MDC1: variants seen among roughly 807,000 people sequenced by gnomAD.
The protein encoded by MDC1 is mediator of DNA damage checkpoint protein 1.
MDC1 carries 81 observed loss-of-function variants against 142.5 expected under a neutral mutation model. That is an observed-to-expected ratio of 0.57 (90% CI 0.47 to 0.68). The LOEUF (loss-of-function observed/expected upper bound fraction) is 0.68. Among genes scored for constraint, MDC1 ranks in the 30% least tolerant of loss-of-function variants. MDC1 has a pLI of 0.00. For synonymous variants in MDC1, 797 were observed against 968.4 expected (o/e 0.82, Z 3.29); for missense variants, 2,119 against 2,547.9 (o/e 0.83, Z 3.62).
rs1408932651 is a variant in MDC1, at chr6:30,716,068, G to A, written c.-3-890C>T. ...TAACGCCTACCCCTCGCCCGCAAAA[G>A]CCTATGGTTCAGCCAGACATTTTCC... On this transcript the variant is annotated intron_variant, in intron 1 of 14. Coordinates refer to ENST00000376406, the MANE Select transcript of MDC1 (RefSeq NM_014641.3). The surrounding 1 kb of genome is among the most constrained non-coding windows in gnomAD (Gnocchi z 4.4). Among the ~76,000 whole-genome samples the A allele has an allele frequency of 1.3e-5, 2 of 152,104 alleles. No individual in the cohort carries two copies. Among genetic ancestry groups the A allele is most frequent in the Non-Finnish European group, 2.9e-5 (2 of 68,020 alleles).
rs1249747531 is a variant in MDC1, at chr6:30,702,796, G to A, written c.5947C>T (p.Leu1983Phe). Residue 1983 changes from leucine (L) to phenylalanine (F), a missense_variant, in exon 13 of 15, where the codon CTT becomes TTT. Leu to Phe is a conservative substitution (Grantham distance 22, BLOSUM62 0). Transcript: ENST00000376406. ...PEQEKNFGFS[L>F]QDALSRARER... is the part of the protein sequence containing the mutation. Reference sequence around the variant, plus strand: ...CGAGCCCTGCTCAGTGCGTCTTGAAGGCTAAAGCCAAAGTTCTTCTCTTGC... The same window carrying A: ...CGAGCCCTGCTCAGTGCGTCTTGAAAGCTAAAGCCAAAGTTCTTCTCTTGC... The A allele has an allele frequency of 6.2e-7, 1 of 1,613,030 alleles. No individual in the cohort carries two copies. Among genetic ancestry groups the A allele is most frequent in the Admixed American group, 1.7e-5 (1 of 60,004 alleles).
At chr6:30,706,322 T>C (rs1773807751) in intron 9 of MDC1, among the ~76,000 whole-genome samples, 1 of 144,932 alleles carries the variant, frequency 6.9e-6, no homozygotes, top group Non-Finnish European at 1.5e-5. Flanking sequence ...CCGTCTCTAC[T>C]AAAAATACAA....
chr6:30,701,023 C>CGAGATCGCGCCACTGCACTCCAGCCT (rs1053549218), intron 14 of MDC1, among the ~76,000 whole-genome samples: 1 of 146,240 alleles, frequency 6.8e-6, no homozygotes, highest in Non-Finnish European at 1.5e-5. Flanking sequence ...TGCAGTGAGC[C>CGAGATCGCGCCACTGCACTCCAGCCT]GAGATCGCGC....
chr6:30,705,803 G>T lies in MDC1; in HGVS notation c.3380C>A (p.Pro1127His), dbSNP rs749393075. The change falls in exon 10 of 15, where the codon CCC becomes CAC. Residue 1127 changes from proline to histidine, a missense_variant. Pro to His is a moderately conservative substitution (Grantham distance 77, BLOSUM62 -2). Transcript: ENST00000376406. Reference protein sequence around the residue: ...PFPATSAAPEPHPSTSTAQPV... With the variant: ...PFPATSAAPEHHPSTSTAQPV... ...CTGGGCTGTGGAGGTGGAAGGGTGG[G>T]GCTCAGGGGCAGCAGAGGTAGCTGG... The T allele has an allele frequency of 6.2e-7, 1 of 1,612,792 alleles. No individual in the cohort carries two copies. Among genetic ancestry groups the T allele is most frequent in the South Asian group, 1.1e-5 (1 of 90,960 alleles).
At position 30,702,732 on chromosome 6, in the gene MDC1, G is replaced by GT. The variant is rs745510219; in HGVS notation, c.5991+19dup. 1.2e-6 allele frequency: 2 copies of GT among 1,613,088 alleles called. No homozygotes were observed. Among genetic ancestry groups the GT allele is most frequent in the Non-Finnish European group, 1.7e-6 (2 of 1,180,018 alleles). Reference sequence around the variant, plus strand: ...CACTGGAGGGAGGGCTGAAGCACAGGTTAAAAGATAGCCTCTCACCTCTAG... The same window carrying GT: ...CACTGGAGGGAGGGCTGAAGCACAGGTTTAAAAGATAGCCTCTCACCTCTAG... On this transcript the variant is annotated intron_variant, in intron 13 of 14. Coordinates refer to ENST00000376406, the MANE Select transcript of MDC1 (RefSeq NM_014641.3).
chr6:30,714,296 A>G, intron 2 of MDC1, 113 bp from the exon 3 acceptor site: 1 of 1,156,282 alleles, frequency 8.6e-7, no homozygotes, highest in South Asian at 1.6e-5. Context: ...TGCATTAGAA[A>G]AATAAAAGGC....
intron 8 of MDC1, 21 bp downstream of exon 8, chr6:30,707,545 T>C (rs1774091358): frequency 8.1e-6 from 13 of 1,612,754 alleles, no homozygotes; most frequent in Non-Finnish European, 1.1e-5. Context: ...TCACCTTGGG[T>C]TCCCCTCTGC....
rs1360094368 is a variant in MDC1 at position 30,709,148 on chromosome 6, CCTCAGCCTCCCAA to C, written c.2222-804_2222-792del. Among the ~76,000 whole-genome samples the C allele has an allele frequency of 6.6e-6, 1 of 152,200 alleles. No individual in the cohort carries two copies. The highest frequency in any genetic ancestry group is 1.5e-5 in the Non-Finnish European group (1 of 68,038). On this transcript the variant is annotated intron_variant, in intron 7 of 14. Coordinates refer to ENST00000376406, the MANE Select transcript of MDC1 (RefSeq NM_014641.3). This position sits in a 1 kb window ranked among gnomAD's most constrained non-coding sequence, Gnocchi z 4.2. ...CTGCTGGGCTCAGGAGATCCTCCCA[CCTCAGCCTCCCAA>C]GTAGCTGGGACTACGGCATGTGCCA...
Position 30,703,047 on chromosome 6 carries a change from C to T in MDC1, c.5865+57G>A. The T allele has an allele frequency of 1.9e-6, 3 of 1,586,442 alleles. No individual in the cohort carries two copies. The highest frequency in any genetic ancestry group is 1.3e-5 in the African/African-American group (1 of 74,606). ...TCTTCCCTTCCACCACTTTCTAGGG[C>T]ACTATATGAGCAGTCTTGCCACTAT... is the stretch of plus-strand genomic sequence containing the variant. On this transcript the variant is annotated intron_variant, in intron 12 of 14. Coordinates refer to ENST00000376406, the MANE Select transcript of MDC1 (RefSeq NM_014641.3). This position sits in a 1 kb window ranked among gnomAD's most constrained non-coding sequence, Gnocchi z 4.4.
intron 7 of MDC1, 30 bp from the exon 8 acceptor site, chr6:30,708,387 G>A (rs762489147): frequency 1.3e-6 from 2 of 1,564,938 alleles, no homozygotes; most frequent in African/African-American, 2.7e-5. Context: ...GAGAGAGAGA[G>A]GGAGAGGGAG....
At chr6:30,701,564 C>G (rs1422266691) in intron 14 of MDC1, among the ~76,000 whole-genome samples, 1 of 152,012 alleles carries the variant, frequency 6.6e-6, no homozygotes, top group Non-Finnish European at 1.5e-5. Context: ...GGACAAGTGA[C>G]CCAGCTTCTG....
chr6:30,712,233 G>A lies in MDC1; in HGVS notation c.1709C>T (p.Ala570Val), dbSNP rs769306004. The A allele has an allele frequency of 6.2e-7, 1 of 1,612,922 alleles. No homozygotes were observed. Among genetic ancestry groups the A allele is most frequent in the Non-Finnish European group, 8.5e-7 (1 of 1,179,964 alleles). ...TTCACAGTCCCCATGCAGAGGCCAG[G>A]CTTCCTCTAGAGATACCACAAGCAG... ...AKLLVVSLEE[A>V]WPLHGDCETD... The change falls in exon 5 of 15, where the codon GCC becomes GTC. Residue 570 changes from alanine to valine, a missense_variant. Transcript: ENST00000376406. The surrounding 1 kb of genome is among the most constrained non-coding windows in gnomAD (Gnocchi z 4.7).
At position 30,699,985 on chromosome 6, in the gene MDC1, A is replaced by T. The variant is rs1772371786; in HGVS notation, c.*480T>A. ...TAGCACTCCATAACTGGACCCTCAA[A>T]TCTACTCACTCCAAGCATCCCTTCA... On this transcript the variant is annotated 3_prime_UTR_variant, in exon 15 of 15. Coordinates refer to ENST00000376406, the MANE Select transcript of MDC1 (RefSeq NM_014641.3). The T allele has an allele frequency of 4.4e-6, 1 of 227,908 alleles. No homozygotes were observed. Among genetic ancestry groups the T allele is most frequent in the African/African-American group, 2.2e-5 (1 of 45,052 alleles). The allele number at this position is 227,908 out of a possible 1,614,324, so 14.1% of individuals were successfully genotyped here. A position where few individuals can be genotyped will look rare whatever the true frequency, so the allele number is the denominator to read the frequency against.
rs115016880 is a variant in MDC1, at chr6:30,709,813, C to A, written c.2222-1456G>T. ...TTAACATAATGTCCTCAGGGTTCATCCATGTTGCTGCAGATGACAGGATTT... is the reference window on the plus strand; with the variant it reads ...TTAACATAATGTCCTCAGGGTTCATACATGTTGCTGCAGATGACAGGATTT... On this transcript the variant is annotated intron_variant, in intron 7 of 14. Transcript: ENST00000376406. This position sits in a 1 kb window ranked among gnomAD's most constrained non-coding sequence, Gnocchi z 4.2. 0.022 allele frequency among the ~76,000 whole-genome samples: 3,315 copies of A among 152,300 alleles called. 89 individuals carry two copies. The highest frequency in any genetic ancestry group is 0.064 in the African/African-American group (2,655 of 41,554).
At position 30,704,745 on chromosome 6, in the gene MDC1, T is replaced by C. The variant is rs1474463258; in HGVS notation, c.4438A>G (p.Arg1480Gly). 7.4e-6 allele frequency: 12 copies of C among 1,611,196 alleles called. No homozygotes were observed. The highest frequency in any genetic ancestry group is 8.5e-6 in the Non-Finnish European group (10 of 1,179,182). The change falls in exon 10 of 15, where the codon AGA (arginine) becomes GGA (glycine). Residue 1480 changes from arginine (R) to glycine (G), a missense_variant. Coordinates refer to ENST00000376406, the MANE Select transcript of MDC1 (RefSeq NM_014641.3). ...TSQATRGRTD[R>G]SSVKTPETVV... ...GTTTCAGGAGTCTTGACAGAGGATC[T>C]ATCTGTTCTTCCCCTAGTAGCCTGA...
In MDC1 at chr6:30,713,104, T is replaced by C. The variant is rs535503798; in HGVS notation, c.838A>G (p.Asn280Asp). 22 of 1,613,064 alleles carry C rather than the reference T, an allele frequency of 1.4e-5. No individual in the cohort carries two copies. In the East Asian group the frequency reaches 4.5e-4, roughly 33 times the overall value. Residue 280 changes from asparagine to aspartate, a missense_variant, in exon 5 of 15, where the codon AAT (asparagine) becomes GAT (aspartate). Asn to Asp is a conservative substitution (Grantham distance 23). Coordinates refer to ENST00000376406, the MANE Select transcript of MDC1 (RefSeq NM_014641.3). This position sits in a 1 kb window ranked among gnomAD's most constrained non-coding sequence, Gnocchi z 4.9. The part of the protein sequence containing the change: ...NDTKVKRGAG[N>D]GVVPAGVILE... ...ATCACCCCAGCTGGAACCACCCCAT[T>C]CCCTGCACCCCTCTTGACTTTTGTA...
chr6:30,713,321 G>C lies in MDC1; in HGVS notation c.621C>G (p.Gly207=). The change falls in exon 5 of 15, where the codon GGC becomes GGG. Residue 207 remains glycine, a synonymous_variant. Coordinates refer to ENST00000376406, the MANE Select transcript of MDC1 (RefSeq NM_014641.3). The surrounding 1 kb of genome is among the most constrained non-coding windows in gnomAD (Gnocchi z 4.9). ...AATTGAAGGCAAAAGGCGGCCCAAG[G>C]CCGCCCAGGACCGGGGAATGCCCCT... The part of the protein sequence containing the change: ...DEEGHSPVLG[G]LGPPFAFNLN... The C allele has an allele frequency of 6.3e-7, 1 of 1,589,866 alleles. No individual in the cohort carries two copies. Among genetic ancestry groups the C allele is most frequent in the South Asian group, 1.1e-5 (1 of 88,070 alleles).
rs183122925 is a variant in MDC1, at chr6:30,703,210, G to A, written c.5759C>T (p.Ala1920Val). The A allele has an allele frequency of 5.9e-5, 95 of 1,613,046 alleles. No individual in the cohort carries two copies. In the Admixed American group the frequency reaches 1.1e-3, roughly 18 times the overall value. Residue 1920 changes from alanine (A) to valine (V), a missense_variant, in exon 12 of 15, where the codon GCG becomes GTG. Coordinates refer to ENST00000376406, the MANE Select transcript of MDC1 (RefSeq NM_014641.3). This position sits in a 1 kb window ranked among gnomAD's most constrained non-coding sequence, Gnocchi z 4.4. The part of the protein sequence containing the change: ...LALGGSLAGS[A>V]AEASHLVTDR... ...AGTGACCAGGTGGGAAGCCTCTGCCGCTGAACCAGCCAGACTTCCCCCCAG... is the reference window on the plus strand; with the variant it reads ...AGTGACCAGGTGGGAAGCCTCTGCCACTGAACCAGCCAGACTTCCCCCCAG...
Position 30,702,853 on chromosome 6 carries a change from G to T in MDC1, c.5890C>A (p.Pro1964Thr). 6.2e-7 allele frequency: 1 copy of T among 1,613,118 alleles called. No homozygotes were observed. Among genetic ancestry groups the T allele is most frequent in the Non-Finnish European group, 8.5e-7 (1 of 1,180,026 alleles). ...HQSRKAGFFL[P>T]PDEYVVTDPE... Reference sequence around the variant, plus strand: ...TCGGTCACCACATATTCATCCGGGGGTAAGAAGAAACCAGCCTTGCGGGAC... The same window carrying T: ...TCGGTCACCACATATTCATCCGGGGTTAAGAAGAAACCAGCCTTGCGGGAC... Residue 1964 changes from proline (P) to threonine (T), a missense_variant, in exon 13 of 15, where the codon CCC becomes ACC. By Grantham distance (38) the Pro-to-Thr change is conservative. Transcript: ENST00000376406.
Sources: gnomAD v4.1 joint callset for allele counts (sites outside exome capture counted in the v4.1 genomes callset) on GRCh38, gnomAD v4.1.1 for gene constraint, Gnocchi (gnomAD v3.1) non-coding constraint, MANE v1.5 for transcripts, NCBI Gene and HGNC (gene_info 2026-07-23, HGNC 2026-07-21) for gene names.